The following DRC1 variants were observed in gnomAD, a reference collection of about 807,000 sequenced individuals.
DRC1 encodes dynein regulatory complex subunit 1, also known as dynein regulatory complex protein 1.
In DRC1, 74 loss-of-function variants were observed where a neutral mutation model predicts 98.7. The ratio of observed to expected loss-of-function variants is 0.75; its 90% confidence interval spans 0.62 to 0.91. DRC1 has a LOEUF of 0.91. Ranked by LOEUF, DRC1 falls within the 40% of genes least tolerant of loss-of-function variation. The pLI, the probability that DRC1 is intolerant of heterozygous loss-of-function variation, is 0.00. For missense variants in DRC1, 875 were observed against 886.0 expected (o/e 0.99, Z 0.16); for synonymous variants, 336 against 334.1 (o/e 1.01, Z -0.06).
rs144870659 is a variant in DRC1, at chr2:26,454,653, G to A, written c.1926G>A (p.Ser642=). The part of the protein sequence containing the change: ...FVMGLKKPRD[S]RAPLRVQKNV... ...CTGTGCTCTTGGCCTTCAGGGACTC[G>A]CGGGCCCCGCTGAGGGTACAGAAGA... Residue 642 remains serine, a synonymous_variant, in exon 15 of 17, where the codon TCG becomes TCA. Coordinates refer to ENST00000288710, the MANE Select transcript of DRC1 (RefSeq NM_145038.5). This position sits in a 1 kb window ranked among gnomAD's most constrained non-coding sequence, Gnocchi z 5.2. The A allele has an allele frequency of 6.9e-5, 111 of 1,613,920 alleles. 1 individual carries two copies. The highest frequency in any genetic ancestry group is 1.6e-4 in the Middle Eastern group (1 of 6,082).
rs772625152 is a variant in DRC1, at chr2:26,450,699, G to C, written c.1689+18G>C. The C allele has an allele frequency of 1.3e-6, 2 of 1,532,852 alleles. No individual in the cohort carries two copies. The highest frequency in any genetic ancestry group is 1.7e-6 in the Non-Finnish European group (2 of 1,145,926). The allele number at this position is 1,532,852 out of a possible 1,614,324, so 95.0% of individuals were successfully genotyped here. On this transcript the variant is annotated intron_variant, in intron 13 of 16. Transcript: ENST00000288710. ...GCCTCCAGGTAAGGCAAGGTGCAGA[G>C]AGAAGAAAGCATTTTCTTTCTTTCT...
At chr2:26,427,414 G>C (rs753464152) in intron 4 of DRC1, among the ~76,000 whole-genome samples, 2 of 151,736 alleles carry the variant, frequency 1.3e-5, no homozygotes, top group African/African-American at 4.8e-5. Context: ...CCGCACCTGA[G>C]CTTTTTTTTT....
intron 2 of DRC1, among the ~76,000 whole-genome samples, chr2:26,418,470 G>A (rs1678887101): frequency 7.3e-6 from 1 of 137,022 alleles, no homozygotes; most frequent in African/African-American, 2.7e-5. Flanking sequence ...TGTCATAAAG[G>A]TATTGTGATA....
At chr2:26,421,561 T>C (rs1270708325) in intron 3 of DRC1, among the ~76,000 whole-genome samples, 161 bp downstream of exon 3, 53 of 148,446 alleles carry the variant, frequency 3.6e-4, no homozygotes, top group African/African-American at 1.2e-3. Flanking sequence ...CTCTCTCTTT[T>C]TTTTTTTTTT....
chr2:26,422,623 C>A (rs967664700), intron 3 of DRC1, among the ~76,000 whole-genome samples: 1 of 152,102 alleles, frequency 6.6e-6, no homozygotes, highest in African/African-American at 2.4e-5. Flanking sequence ...ATTAGAAGAA[C>A]AACCACTTGG....
At chr2:26,455,257 AG>A (rs1664118351) in intron 16 of DRC1, 24 bp downstream of exon 16, 1 of 1,601,468 alleles carries the variant, frequency 6.2e-7, no homozygotes. Flanking sequence ...CCTTCCAAGG[AG>A]GGGCAGCGGG....
At chr2:26,452,823 C>T (rs938171306) in intron 13 of DRC1, among the ~76,000 whole-genome samples, 6 of 151,996 alleles carry the variant, frequency 3.9e-5, no homozygotes, top group Non-Finnish European at 7.4e-5. Flanking sequence ...GATGTCAAAA[C>T]GAGAAGGAGG....
intron 1 of DRC1, among the ~76,000 whole-genome samples, chr2:26,411,972 T>C (rs1678624915): frequency 6.6e-6 from 1 of 152,002 alleles, no homozygotes; most frequent in Non-Finnish European, 1.5e-5. Flanking sequence ...TTTTGAGTGG[T>C]GATGGGAACA....
chr2:26,414,403 G>T lies in DRC1; in HGVS notation c.215G>T (p.Ser72Ile). ...KKESEEDQSK[S>I]YKQKEESRLK... ...GAGAGTGAGGAGGATCAAAGCAAGA[G>T]CTACAAACAGAAAGAAGAAAGCCGA... Residue 72 changes from serine (S) to isoleucine (I), a missense_variant, in exon 2 of 17, where the codon AGC (serine) becomes ATC (isoleucine). Transcript: ENST00000288710. 1 of 1,613,926 alleles carries T rather than the reference G, an allele frequency of 6.2e-7. No individual in the cohort carries two copies. The highest frequency in any genetic ancestry group is 2.2e-5 in the East Asian group (1 of 44,876).
chr2:26,448,133 G>A (rs1663905951), intron 10 of DRC1, among the ~76,000 whole-genome samples: 1 of 150,062 alleles, frequency 6.7e-6, no homozygotes, highest in African/African-American at 2.4e-5. Context: ...GCTGAGGGAG[G>A]AGAATCACTT....
intron 7 of DRC1, among the ~76,000 whole-genome samples, chr2:26,433,242 T>C (rs1420674593): frequency 6.6e-6 from 1 of 152,236 alleles, no homozygotes; most frequent in African/African-American, 2.4e-5. Flanking sequence ...TAATTGCATC[T>C]TAATATTCAA....
At chr2:26,428,730 G>A (rs913279705) in intron 4 of DRC1, among the ~76,000 whole-genome samples, 2 of 151,960 alleles carry the variant, frequency 1.3e-5, no homozygotes, top group African/African-American at 4.8e-5. Flanking sequence ...CCCGGGAGGT[G>A]GAGCTTGCAG....
At chr2:26,436,150 T>C (rs1385395759) in intron 7 of DRC1, among the ~76,000 whole-genome samples, 1 of 151,968 alleles carries the variant, frequency 6.6e-6, no homozygotes, top group African/African-American at 2.4e-5. Flanking sequence ...CACTTTTTAA[T>C]AATAGCCATT....
rs1203469775 is a variant in DRC1 at position 26,448,798 on chromosome 2, G to A, written c.1504G>A (p.Glu502Lys). Residue 502 changes from glutamate to lysine, a missense_variant, in exon 11 of 17, where the codon GAG (glutamate) becomes AAG (lysine). Transcript: ENST00000288710. ...GAGGATCCTGATGCTCCTGTGTGAC[G>A]AGTCGGTGAGGCCAGGCGGGGGCTG... The part of the protein sequence containing the change: ...TKRILMLLCD[E>K]SGFLIESKLL... The A allele has an allele frequency of 8.1e-6, 13 of 1,614,084 alleles. No individual in the cohort carries two copies. Among genetic ancestry groups the A allele is most frequent in the Non-Finnish European group, 1.1e-5 (13 of 1,180,036 alleles).
At chr2:26,456,412 AAGG>A (rs905845214) in intron 16 of DRC1, 46 bp from the exon 17 acceptor site, 2 of 1,612,540 alleles carry the variant, frequency 1.2e-6, no homozygotes, top group Non-Finnish European at 1.7e-6. Flanking sequence ...GGTGGCAAAG[AAGG>A]AGGGCCCTGG....
At chr2:26,455,311 C>G (rs771523172) in intron 16 of DRC1, 78 bp downstream of exon 16, 7 of 1,357,738 alleles carry the variant, frequency 5.2e-6, no homozygotes, top group Non-Finnish European at 6.2e-6. Context: ...GATTAGGGAA[C>G]GAGGAGTCCC....
chr2:26,446,185 C>T (rs141918713), intron 10 of DRC1, among the ~76,000 whole-genome samples: 217 of 150,928 alleles, frequency 1.4e-3, no homozygotes, highest in African/African-American at 4.9e-3. Flanking sequence ...CAACCTCTGC[C>T]GCCAAGGCTT....
At chr2:26,434,166 A>G (rs1663507731) in intron 7 of DRC1, among the ~76,000 whole-genome samples, 4 of 152,242 alleles carry the variant, frequency 2.6e-5, no homozygotes, top group Admixed American at 2.6e-4. Flanking sequence ...CAAACCACAA[A>G]AATAGGAAGG....
chr2:26,414,610 A>G (rs1387687059), intron 2 of DRC1, among the ~76,000 whole-genome samples, 179 bp downstream of exon 2: 1 of 152,166 alleles, frequency 6.6e-6, no homozygotes, highest in African/African-American at 2.4e-5. Flanking sequence ...ACAGTTTCTT[A>G]TATTTACGCT....
Sources: allele counts gnomAD v4.1 joint callset (sites outside exome capture counted in the v4.1 genomes callset), GRCh38; gene constraint gnomAD v4.1.1; non-coding constraint Gnocchi (gnomAD v3.1); transcripts MANE v1.5; gene names NCBI Gene and HGNC (gene_info 2026-07-23, HGNC 2026-07-21).